The following ZNF85 variants were observed in gnomAD, a reference collection of about 807,000 sequenced individuals.
The protein encoded by ZNF85 is zinc finger protein 85 (HPF4, HTF1).
Under a neutral mutation model 53.9 loss-of-function variants are expected in ZNF85, and 50 were observed. The ratio of observed to expected loss-of-function variants is 0.93; its 90% CI spans 0.74 to 1.17. The LOEUF is 1.17. Ranked by LOEUF, ZNF85 falls within the 50% of genes most tolerant of loss-of-function variation. ZNF85 has a pLI of 0.00. For missense variants in ZNF85, 747 were observed against 688.5 expected (o/e 1.08, Z -0.95); for synonymous variants, 225 against 226.1 (o/e 1.00, Z 0.04).
At chr19:20,935,828 G>A (rs112856950) in intron 3 of ZNF85, among the ~76,000 whole-genome samples, 1,811 of 152,200 alleles carry the variant, frequency 0.012, 34 homozygotes, top group African/African-American at 0.034. Context: ...AGGATTACAG[G>A]CGTGAGCCAC....
At chr19:20,930,522 C>T (rs902186591) in intron 1 of ZNF85, among the ~76,000 whole-genome samples, 2 of 152,064 alleles carry the variant, frequency 1.3e-5, no homozygotes, top group African/African-American at 4.8e-5. Context: ...TTATTTAAAT[C>T]CTAAGAATTA....
Position 20,950,255 on chromosome 19 carries a change from C to G in ZNF85, c.1741C>G (p.Leu581Val), listed in dbSNP as rs1973550226. The stretch of plus-strand genomic sequence containing the variant: ...CAAAGCTTTTAAATGGTCCTCAGTC[C>G]TTACTAAACATAAGATAATTCATAC... ...CDKAFKWSSVLTKHKIIHTGE... is the reference protein window; with the variant it reads ...CDKAFKWSSVVTKHKIIHTGE... Residue 581 changes from leucine (L) to valine (V), a missense_variant, in exon 4 of 4, where the codon CTT becomes GTT. Transcript: ENST00000328178. The G allele has an allele frequency of 6.3e-7, 1 of 1,575,524 alleles. No individual in the cohort carries two copies. The highest frequency in any genetic ancestry group is 8.6e-7 in the Non-Finnish European group (1 of 1,166,732).
At chr19:20,929,081 C>T (rs1442719620) in intron 1 of ZNF85, among the ~76,000 whole-genome samples, 2 of 151,558 alleles carry the variant, frequency 1.3e-5, no homozygotes, top group Non-Finnish European at 2.9e-5. Flanking sequence ...TCTTTGTGTA[C>T]GTGTTCTTAT....
At chr19:20,947,410 A>G (rs1973446876) in intron 3 of ZNF85, among the ~76,000 whole-genome samples, 1 of 142,142 alleles carries the variant, frequency 7.0e-6, no homozygotes, top group Non-Finnish European at 1.5e-5. Flanking sequence ...ATGCATTTTT[A>G]TGTAATAATA....
rs768097517 is a variant in ZNF85 at position 20,947,488 on chromosome 19, C to CTTTTTTTTTTT, written c.230-1237_230-1227dup. On this transcript the variant is annotated intron_variant, in intron 3 of 3. Transcript: ENST00000328178. Reference sequence around the variant, plus strand: ...GTAGGGCATATGCAGTGCCAATACACTTTTTTTTTTTTTTTTTTTTTTTTT... The same window carrying CTTTTTTTTTTT: ...GTAGGGCATATGCAGTGCCAATACACTTTTTTTTTTTTTTTTTTTTTTTTTTTTTTTTTTTT... Among the ~76,000 whole-genome samples, 5 of 51,638 alleles carry CTTTTTTTTTTT rather than the reference C, an allele frequency of 9.7e-5. 1 individual carries two copies. The highest frequency in any genetic ancestry group is 6.8e-4 in the Admixed American group (2 of 2,936). 33.9% of individuals were successfully genotyped at this position (51,638 alleles called of 152,430 possible).
chr19:20,939,873 T>A (rs768848158), intron 3 of ZNF85, among the ~76,000 whole-genome samples: 14 of 151,868 alleles, frequency 9.2e-5, no homozygotes, highest in Admixed American at 5.2e-4. Flanking sequence ...AATTTTGTAT[T>A]TTTAGTAGAG....
In ZNF85 at chr19:20,950,393, C is replaced by T. The variant is rs555745788; in HGVS notation, c.*91C>T. On this transcript the variant is annotated 3_prime_UTR_variant, in exon 4 of 4. Transcript: ENST00000328178. ...GAAACTACTAACCTGAAAGATGTGA[C>T]AATAATTTTGACAACACCTCAGACT... is the stretch of plus-strand genomic sequence containing the variant. 1.4e-4 allele frequency: 127 copies of T among 940,046 alleles called. No homozygotes were observed. Among genetic ancestry groups the T allele is most frequent in the Non-Finnish European group, 1.9e-4 (123 of 654,956 alleles). 58.2% of individuals were successfully genotyped at this position (940,046 alleles called of 1,614,324 possible).
rs754729289 is a variant in ZNF85 at position 20,923,352 on chromosome 19, T to C, written c.-49T>C. 3 of 1,613,710 alleles carry C rather than the reference T, an allele frequency of 1.9e-6. No homozygotes were observed. The South Asian group carries it at 3.3e-5, about 18-fold the overall frequency. ...CCTCTGTGGCCCTGTGGCCTGCAGG[T>C]ATTGGGAGATCCACAGCTAAGACGC... On this transcript the variant is annotated 5_prime_UTR_variant, in exon 1 of 4. Transcript: ENST00000328178.
intron 3 of ZNF85, among the ~76,000 whole-genome samples, chr19:20,942,015 G>T (rs962471417): frequency 5.9e-5 from 9 of 151,972 alleles, no homozygotes; most frequent in Admixed American, 1.3e-4. Flanking sequence ...TCTTGAAGAG[G>T]TTATCTTTTT....
chr19:20,931,870 G>C (rs1973030905), intron 1 of ZNF85, among the ~76,000 whole-genome samples: 1 of 152,092 alleles, frequency 6.6e-6, no homozygotes, highest in Non-Finnish European at 1.5e-5. Context: ...GCCTCCCAAA[G>C]TACTGGGATT....
chr19:20,924,539 T>A (rs1375765829), intron 1 of ZNF85, among the ~76,000 whole-genome samples: 1 of 152,154 alleles, frequency 6.6e-6, no homozygotes, highest in Non-Finnish European at 1.5e-5. Flanking sequence ...TCAAGCAGGG[T>A]CTCAAGTCTA....
chr19:20,934,229 A>G lies in ZNF85; in HGVS notation c.130+79A>G. On this transcript the variant is annotated intron_variant, in intron 2 of 3. Transcript: ENST00000328178. ...TTTATTTGTGGAATGTTTTTCTGGT[A>G]AAGTGTGCTTTGCATAAATTAGTTT... The G allele has an allele frequency of 2.6e-6, 4 of 1,546,210 alleles. No individual in the cohort carries two copies. In the South Asian group the frequency reaches 3.6e-5, roughly 14 times the overall value.
chr19:20,949,349 A>G lies in ZNF85; in HGVS notation c.835A>G (p.Ile279Val). The G allele has an allele frequency of 6.2e-7, 1 of 1,609,512 alleles. No homozygotes were observed. Among genetic ancestry groups the G allele is most frequent in the Non-Finnish European group, 8.5e-7 (1 of 1,177,024 alleles). ...RFSTLTTHKI[I>V]HTGEKPYKCK... is the part of the protein sequence containing the mutation. ...CTCAACTCTTACTACCCATAAGATA[A>G]TTCATACTGGAGAGAAACCCTACAA... Residue 279 changes from isoleucine to valine, a missense_variant, in exon 4 of 4, where the codon ATT becomes GTT. Ile to Val is a conservative substitution (Grantham distance 29, BLOSUM62 3). Transcript: ENST00000328178.
At chr19:20,936,457 A>G (rs1361623730) in intron 3 of ZNF85, 1 of 152,046 alleles carries the variant, frequency 6.6e-6, no homozygotes, top group African/African-American at 2.4e-5. Flanking sequence ...ACTCGCCAGC[A>G]GTTTTGCCAA....
chr19:20,946,590 A>ACACACACACACACC (rs1186970718), intron 3 of ZNF85, among the ~76,000 whole-genome samples: 1 of 151,596 alleles, frequency 6.6e-6, no homozygotes, highest in African/African-American at 2.4e-5. Context: ...ACACACACAC[A>ACACACACACACACC]CACCCCACAA....
intron 1 of ZNF85, among the ~76,000 whole-genome samples, chr19:20,931,902 C>T (rs1403842046): frequency 6.6e-6 from 1 of 152,122 alleles, no homozygotes; most frequent in African/African-American, 2.4e-5. Context: ...CCACCAAGCC[C>T]GGCCATGGCC....
At position 20,938,854 on chromosome 19, in the gene ZNF85, G is replaced by A. The variant is rs1042882427; in HGVS notation, c.229+3807G>A. ...GCTCTAACCATATTCTGCTATATGTGTGTGTGTGTGTGTGTGTGTGTGTAT... is the reference window on the plus strand; with the variant it reads ...GCTCTAACCATATTCTGCTATATGTATGTGTGTGTGTGTGTGTGTGTGTAT... On this transcript the variant is annotated intron_variant, in intron 3 of 3. Coordinates refer to ENST00000328178, the MANE Select transcript of ZNF85 (RefSeq NM_003429.5). 9.2e-3 allele frequency among the ~76,000 whole-genome samples: 1,071 copies of A among 116,138 alleles called. 17 individuals are homozygous for A. Among genetic ancestry groups the A allele is most frequent in the African/African-American group, 0.034 (1,033 of 30,780 alleles). The allele number at this position is 116,138 out of a possible 152,430, so 76.2% of individuals were successfully genotyped here. A position where few individuals can be genotyped will look rare whatever the true frequency, so the allele number is the denominator to read the frequency against.
intron 1 of ZNF85, among the ~76,000 whole-genome samples, chr19:20,933,225 C>T (rs999478446): frequency 2.0e-5 from 3 of 151,574 alleles, no homozygotes; most frequent in African/African-American, 7.3e-5. Flanking sequence ...TGTCCTAGTG[C>T]AGTTCATGTT....
intron 3 of ZNF85, among the ~76,000 whole-genome samples, chr19:20,942,400 C>T (rs1030403859): frequency 6.6e-6 from 1 of 151,974 alleles, no homozygotes; most frequent in Non-Finnish European, 1.5e-5. Context: ...CCTTGGCCTC[C>T]CAAAGTGCTG....
Sources: allele counts gnomAD v4.1 joint callset (sites outside exome capture counted in the v4.1 genomes callset), GRCh38; gene constraint gnomAD v4.1.1; transcripts MANE v1.5; gene names NCBI Gene and HGNC (gene_info 2026-07-23, HGNC 2026-07-21).